NDC80: variants seen among roughly 807,000 people sequenced by gnomAD.
The protein encoded by NDC80 is NDC80 kinetochore complex component.
NDC80 carries 69 observed loss-of-function variants against 89.3 expected under a neutral mutation model. The observed-to-expected ratio is 0.77, with a 90% CI of 0.64 to 0.94. The LOEUF (loss-of-function observed/expected upper bound fraction) is 0.94. Among genes scored for constraint, NDC80 ranks in the 40% least tolerant of loss-of-function variants. The pLI is 0.00. For missense variants in NDC80, 593 were observed against 739.6 expected, an observed-to-expected ratio of 0.80 and a Z score of 2.30; for synonymous variants, 243 against 255.6, an observed-to-expected ratio of 0.95 and a Z score of 0.47.
chr18:2,600,478 G>A (rs145362852), intron 12 of NDC80, among the ~76,000 whole-genome samples: 2,501 of 152,054 alleles, frequency 0.016, 26 homozygotes, highest in Non-Finnish European at 0.026. Flanking sequence ...GTGTGGTGGT[G>A]CACACCTGTA....
intron 16 of NDC80, among the ~76,000 whole-genome samples, chr18:2,613,539 T>G (rs1322668703): frequency 1.3e-5 from 2 of 152,212 alleles, no homozygotes; most frequent in African/African-American, 2.4e-5. Flanking sequence ...TAAAATGAAT[T>G]GTTCAATTAA....
intron 12 of NDC80, 132 bp downstream of exon 12, chr18:2,599,303 C>T: frequency 1.5e-6 from 1 of 683,938 alleles, no homozygotes; most frequent in Non-Finnish European, 2.2e-6. Flanking sequence ...CTTCTTTCTT[C>T]TCGGTCATAG....
intron 3 of NDC80, among the ~76,000 whole-genome samples, chr18:2,576,392 T>G (rs2072546678): frequency 6.6e-6 from 1 of 152,362 alleles, no homozygotes; most frequent in Admixed American, 6.5e-5. Flanking sequence ...TTTGCAAATC[T>G]CTTATGGCTT....
rs745739022 is a variant in NDC80, at chr18:2,608,813, A to G, written c.1671A>G (p.Leu557=). 9 of 1,611,034 alleles carry G rather than the reference A, an allele frequency of 5.6e-6. No homozygotes were observed. Among genetic ancestry groups the G allele is most frequent in the Non-Finnish European group, 7.6e-6 (9 of 1,177,702 alleles). The change falls in exon 15 of 17, where the codon TTA becomes TTG. Residue 557 remains leucine, a synonymous_variant. Transcript: ENST00000261597. The part of the protein sequence containing the change: ...NQGLSEAMNE[L]DAVQREYQLV... ...GGCTCAGTGAAGCTATGAATGAATTAGATGCTGTTCAGCGGGAGTAAGTTT... is the reference window on the plus strand; with the variant it reads ...GGCTCAGTGAAGCTATGAATGAATTGGATGCTGTTCAGCGGGAGTAAGTTT...
intron 3 of NDC80, among the ~76,000 whole-genome samples, chr18:2,576,253 T>A (rs566618717): frequency 7.5e-4 from 115 of 152,354 alleles, no homozygotes; most frequent in African/African-American, 2.5e-3. Context: ...GAGAAAAATT[T>A]AAAATATGCA....
At position 2,616,458 on chromosome 18, in the gene NDC80, G is replaced by C. The variant is rs9051; in HGVS notation, c.1813G>C (p.Ala605Pro). Residue 605 changes from alanine to proline, a missense_variant, in exon 17 of 17, where the codon GCT (alanine) becomes CCT (proline). Transcript: ENST00000261597. ...CTAGAAACATCTTGAGGAGCAGATT[G>C]CTAAAGTTGATAGAGAATATGAAGA... ...SVEKHLEEQI[A>P]KVDREYEECM... 335,495 of 1,502,210 alleles carry C rather than the reference G, an allele frequency of 0.22. 39,774 individuals are homozygous for C. Among genetic ancestry groups the C allele is most frequent in the South Asian group, 0.31 (23,197 of 75,900 alleles). 93.1% of individuals were successfully genotyped at this position (1,502,210 alleles called of 1,614,324 possible). A position where few individuals can be genotyped will look rare whatever the true frequency, so the allele number is the denominator to read the frequency against.
At chr18:2,613,241 G>A (rs887683564) in intron 16 of NDC80, among the ~76,000 whole-genome samples, 4 of 152,210 alleles carry the variant, frequency 2.6e-5, no homozygotes, top group African/African-American at 9.6e-5. Context: ...GCACTACAGT[G>A]GCAGAATTGA....
intron 13 of NDC80, among the ~76,000 whole-genome samples, chr18:2,605,276 G>GTC (rs1416586521): frequency 9.4e-5 from 1 of 10,642 alleles, no homozygotes; most frequent in Admixed American, 1.4e-3. Flanking sequence ...CTATATGTAT[G>GTC]TGTGTGTGTG....
intron 6 of NDC80, chr18:2,582,920 A>T (rs937794938): frequency 6.6e-6 from 1 of 152,222 alleles, no homozygotes; most frequent in East Asian, 1.9e-4. Flanking sequence ...ATAATAATTT[A>T]GCTAAAGTTA....
intron 11 of NDC80, among the ~76,000 whole-genome samples, chr18:2,596,824 C>A (rs1429323966): frequency 6.6e-6 from 1 of 151,258 alleles, no homozygotes. Context: ...GGCACATATA[C>A]ACCATGGAAT....
chr18:2,589,378 C>A, intron 9 of NDC80, 68 bp downstream of exon 9: 2 of 1,055,818 alleles, frequency 1.9e-6, no homozygotes, highest in Non-Finnish European at 1.4e-6. Context: ...TGGATATTAG[C>A]TGTCTTTATC....
At position 2,613,818 on chromosome 18, in the gene NDC80, G is replaced by A. The variant is rs554284243; in HGVS notation, c.1792-2619G>A. Among the ~76,000 whole-genome samples, 10 of 152,200 alleles carry A rather than the reference G, an allele frequency of 6.6e-5. No individual in the cohort carries two copies. The South Asian group carries it at 2.1e-3, about 32-fold the overall frequency. On this transcript the variant is annotated intron_variant, in intron 16 of 16. Transcript: ENST00000261597. ...AAAGACAAGCCACAAACTGATAGAA[G>A]ATGTTTTTTAAAACACAACTGGTAA...
rs1021586591 is a variant in NDC80 at position 2,581,543 on chromosome 18, C to T, written c.579+2514C>T. Reference sequence around the variant, plus strand: ...CCGGGTGTGATGGTGCATGCCGTCCCGGCTACTTGGGAAGCTGAGGCACAA... The same window carrying T: ...CCGGGTGTGATGGTGCATGCCGTCCTGGCTACTTGGGAAGCTGAGGCACAA... On this transcript the variant is annotated intron_variant, in intron 6 of 16. Transcript: ENST00000261597. 5.3e-5 allele frequency among the ~76,000 whole-genome samples: 8 copies of T among 152,226 alleles called. No homozygotes were observed. The South Asian group carries it at 8.3e-4, about 16-fold the overall frequency.
intron 6 of NDC80, among the ~76,000 whole-genome samples, chr18:2,583,230 A>G (rs1168982469): frequency 6.6e-6 from 1 of 152,208 alleles, no homozygotes; most frequent in Non-Finnish European, 1.5e-5. Context: ...AGTCTTTTCT[A>G]TAGCTCTTGG....
At chr18:2,612,667 G>C (rs771829372) in intron 16 of NDC80, among the ~76,000 whole-genome samples, 1 of 152,180 alleles carries the variant, frequency 6.6e-6, no homozygotes, top group African/African-American at 2.4e-5. Context: ...TTTGTGTGAA[G>C]TAATCACAGT....
At position 2,587,980 on chromosome 18, in the gene NDC80, G is replaced by C. The variant is rs114597179; in HGVS notation, c.763+57G>C. The C allele has an allele frequency of 3.9e-4, 539 of 1,378,810 alleles. No homozygotes were observed. The African/African-American group carries it at 7.0e-3, about 18-fold the overall frequency. The allele number at this position is 1,378,810 out of a possible 1,614,324, so 85.4% of individuals were successfully genotyped here. A position where few individuals can be genotyped will look rare whatever the true frequency, so the allele number is the denominator to read the frequency against. ...TTGGTCATTTCACTCTGCTCATGGAGTGGTAATTTATTTACCATATCCAGT... is the reference window on the plus strand; with the variant it reads ...TTGGTCATTTCACTCTGCTCATGGACTGGTAATTTATTTACCATATCCAGT... On this transcript the variant is annotated intron_variant, in intron 8 of 16. Coordinates refer to ENST00000261597, the MANE Select transcript of NDC80 (RefSeq NM_006101.3).
intron 1 of NDC80, among the ~76,000 whole-genome samples, chr18:2,572,610 A>G (rs1350372063): frequency 6.6e-6 from 1 of 152,226 alleles, no homozygotes; most frequent in Non-Finnish European, 1.5e-5. Context: ...TGAAATAGGC[A>G]CAGCCAACAG....
intron 6 of NDC80, among the ~76,000 whole-genome samples, chr18:2,581,020 A>G (rs988146803): frequency 4.0e-5 from 6 of 151,854 alleles, no homozygotes; most frequent in Non-Finnish European, 8.8e-5. Context: ...GATTACAGGC[A>G]TGAGCCACCA....
At chr18:2,614,564 G>GAAGGGAGAGAAA (rs1353957918) in intron 16 of NDC80, 1 of 4,090 alleles carries the variant, frequency 2.4e-4, no homozygotes, top group African/African-American at 9.4e-4. Flanking sequence ...AGGAAGGAAG[G>GAAGGGAGAGAAA]GAAAGAAAGA....
Sources: gnomAD v4.1 joint callset for allele counts (sites outside exome capture counted in the v4.1 genomes callset) on GRCh38, gnomAD v4.1.1 for gene constraint, MANE v1.5 for transcripts, NCBI Gene and HGNC (gene_info 2026-07-23, HGNC 2026-07-21) for gene names.